The following RNF115 variants were observed in gnomAD, a reference collection of about 807,000 sequenced individuals.
The protein encoded by RNF115 is ring finger protein 115.
A neutral mutation model predicts 39.2 loss-of-function variants in RNF115; 31 were observed. The ratio of observed to expected loss-of-function variants is 0.79; its 90% CI spans 0.59 to 1.07. The LOEUF is 1.07. Ranked by LOEUF, RNF115 falls within the 50% of genes least tolerant of loss-of-function variation. The pLI is 0.00. For missense variants in RNF115, 384 were observed against 381.7 expected (o/e 1.01, Z -0.05); for synonymous variants, 124 against 131.0 (o/e 0.95, Z 0.37).
intron 4 of RNF115, among the ~76,000 whole-genome samples, chr1:145,765,754 G>A (rs1372762883): frequency 6.6e-6 from 1 of 152,178 alleles, no homozygotes; most frequent in Admixed American, 6.5e-5. Context: ...TTCAAAAGCT[G>A]CAGATTAGAG....
Position 145,743,783 on chromosome 1 carries a change from AAAATAAAT to A in RNF115, c.*3075_*3082del, listed in dbSNP as rs782601840. The A allele has an allele frequency of 4.2e-5, 2 of 47,888 alleles. No individual in the cohort carries two copies. Among genetic ancestry groups the A allele is most frequent in the African/African-American group, 1.5e-4 (2 of 13,640 alleles). 3.0% of individuals were successfully genotyped at this position (47,888 alleles called of 1,614,324 possible). A position where few individuals can be genotyped will look rare whatever the true frequency, so the allele number is the denominator to read the frequency against. ...GCGACAGAGCAAGCCTCCATCTCAA[AAAATAAAT>A]AAATAAATAAATAAATAAATAAATA... On this transcript the variant is annotated 3_prime_UTR_variant, in exon 9 of 9. Transcript: ENST00000582693.
chr1:145,789,199 C>T (rs1243792031), intron 1 of RNF115, among the ~76,000 whole-genome samples: 1 of 151,906 alleles, frequency 6.6e-6, no homozygotes, highest in Non-Finnish European at 1.5e-5. Context: ...ATCTCCCAGG[C>T]GCAAGAGATC....
intron 3 of RNF115, among the ~76,000 whole-genome samples, chr1:145,774,884 C>T (rs1210237103): frequency 6.6e-6 from 1 of 152,020 alleles, no homozygotes; most frequent in African/African-American, 2.4e-5. Flanking sequence ...AGAAACGCAA[C>T]TGATTTTTGT....
At chr1:145,767,347 G>A (rs1462855875) in intron 4 of RNF115, among the ~76,000 whole-genome samples, 5 of 151,830 alleles carry the variant, frequency 3.3e-5, no homozygotes, top group Non-Finnish European at 4.4e-5. Flanking sequence ...GGGGCGGCCG[G>A]GCAGAGACGC....
chr1:145,770,500 T>C (rs1647586377), intron 4 of RNF115, among the ~76,000 whole-genome samples: 1 of 152,138 alleles, frequency 6.6e-6, no homozygotes, highest in South Asian at 2.1e-4. Flanking sequence ...CTATTTGGGA[T>C]TGAGGTACTT....
rs1407091408 is a variant in RNF115, at chr1:145,745,906, C to G, written c.*960G>C. 1 of 151,740 alleles carries G rather than the reference C, an allele frequency of 6.6e-6. No homozygotes were observed. Among genetic ancestry groups the G allele is most frequent in the Non-Finnish European group, 1.5e-5 (1 of 67,940 alleles). 9.4% of individuals were successfully genotyped at this position (151,740 alleles called of 1,614,324 possible). ...TATGTTATGTAGGTTTCTTGGGAAA[C>G]TGCATCAACTGAAGTAGTCTTTAAA... On this transcript the variant is annotated 3_prime_UTR_variant, in exon 9 of 9. Transcript: ENST00000582693.
chr1:145,772,376 G>C (rs1647681320), intron 3 of RNF115: 2 of 158,722 alleles, frequency 1.3e-5, no homozygotes, highest in South Asian at 3.6e-4. Flanking sequence ...TGGTGAGCCT[G>C]AAGACTCCTT....
chr1:145,788,812 G>T, intron 2 of RNF115, 96 bp downstream of exon 2: 2 of 891,602 alleles, frequency 2.2e-6, no homozygotes, highest in Non-Finnish European at 3.7e-6. Context: ...TCTGTAGAGT[G>T]TAAGTTGTAA....
chr1:145,763,587 T>C (rs1398010066), intron 4 of RNF115, among the ~76,000 whole-genome samples: 1 of 152,092 alleles, frequency 6.6e-6, no homozygotes, highest in South Asian at 2.1e-4. Flanking sequence ...TAGTCCCAGC[T>C]ACTTGGGAGG....
At position 145,753,021 on chromosome 1, in the gene RNF115, A is replaced by C. The variant is rs1401561249; in HGVS notation, c.457T>G (p.Phe153Val). The C allele has an allele frequency of 6.2e-7, 1 of 1,611,772 alleles. No individual in the cohort carries two copies. The highest frequency in any genetic ancestry group is 8.5e-7 in the Non-Finnish European group (1 of 1,178,084). ...GILQHIFAGF[F>V]ANSAIPGSPH... ...GATCCAGGAATGGCAGAATTTGCAA[A>C]GAATCCTGCAAAGATGTGTTGTAGT... The change falls in exon 5 of 9, where the codon TTT (phenylalanine) becomes GTT (valine). Residue 153 changes from phenylalanine (F) to valine (V), a missense_variant. Phe to Val is a conservative substitution (Grantham distance 50, BLOSUM62 -1). Coordinates refer to ENST00000582693, the MANE Select transcript of RNF115 (RefSeq NM_014455.4).
intron 1 of RNF115, among the ~76,000 whole-genome samples, chr1:145,820,370 T>G (rs1462452044): frequency 6.6e-6 from 1 of 151,476 alleles, no homozygotes; most frequent in Non-Finnish European, 1.5e-5. Flanking sequence ...GAGGATATAG[T>G]GGGAGGACAC....
chr1:145,743,098 A>G lies in RNF115; in HGVS notation c.*3768T>C, dbSNP rs1369927228. ...TTTCCTCATTGTGATGGTTAATCTT[A>G]TGTGTCAACTTGACTAGGCCACATG... On this transcript the variant is annotated 3_prime_UTR_variant, in exon 9 of 9. Transcript: ENST00000582693. 1.3e-5 allele frequency: 2 copies of G among 152,168 alleles called. No homozygotes were observed. The highest frequency in any genetic ancestry group is 2.9e-5 in the Non-Finnish European group (2 of 68,044). 9.4% of individuals were successfully genotyped at this position (152,168 alleles called of 1,614,324 possible).
chr1:145,778,416 TATA>T (rs1553716855), intron 3 of RNF115, among the ~76,000 whole-genome samples: 1 of 152,160 alleles, frequency 6.6e-6, no homozygotes, highest in African/African-American at 2.4e-5. Context: ...GTAATAGTTG[TATA>T]ACTCTGTGAA....
chr1:145,769,364 T>C (rs1647530947), intron 4 of RNF115, among the ~76,000 whole-genome samples: 1 of 152,188 alleles, frequency 6.6e-6, no homozygotes, highest in South Asian at 2.1e-4. Context: ...TTAGCTATTA[T>C]TACTATTAAT....
intron 7 of RNF115, among the ~76,000 whole-genome samples, chr1:145,749,484 T>C (rs1657998000): frequency 6.6e-6 from 1 of 152,156 alleles, no homozygotes; most frequent in Non-Finnish European, 1.5e-5. Context: ...CATTCACTAT[T>C]TCCCTGTCCC....
intron 1 of RNF115, 21 bp from the exon 2 acceptor site, chr1:145,788,987 C>T: frequency 6.6e-7 from 1 of 1,513,636 alleles, no homozygotes; most frequent in Non-Finnish European, 9.1e-7. Context: ...AAGGAAGAAA[C>T]AAATAAAACT....
At chr1:145,775,330 CAATAACT>C (rs1647832199) in intron 3 of RNF115, among the ~76,000 whole-genome samples, 1 of 150,712 alleles carries the variant, frequency 6.6e-6, no homozygotes, top group African/African-American at 2.4e-5. Flanking sequence ...AAATTAACAA[CAATAACT>C]AATAATAAAA....
intron 2 of RNF115, among the ~76,000 whole-genome samples, chr1:145,786,269 T>C (rs1553718084): frequency 6.6e-6 from 1 of 152,198 alleles, no homozygotes; most frequent in Non-Finnish European, 1.5e-5. Flanking sequence ...ATGGAGCCCA[T>C]TATCTAATAT....
At chr1:145,819,670 G>T (rs1448519649) in intron 1 of RNF115, among the ~76,000 whole-genome samples, 2 of 152,078 alleles carry the variant, frequency 1.3e-5, no homozygotes, top group East Asian at 3.8e-4. Context: ...GAAAACTCCG[G>T]GCCAATATCC....
Sources: gnomAD v4.1 joint callset for allele counts (sites outside exome capture counted in the v4.1 genomes callset) on GRCh38, gnomAD v4.1.1 for gene constraint, MANE v1.5 for transcripts, NCBI Gene and HGNC (gene_info 2026-07-23, HGNC 2026-07-21) for gene names.